ZFP37: variants seen among roughly 807,000 people sequenced by gnomAD.
ZFP37 encodes the protein ZFP37 zinc finger protein, also known as zinc finger protein 37 homolog.
A neutral mutation model predicts 52.1 loss-of-function variants in ZFP37; 38 were observed. That is an observed-to-expected ratio of 0.73 (90% CI 0.56 to 0.96). The LOEUF is 0.96. Among genes scored for constraint, ZFP37 ranks in the 40% least tolerant of loss-of-function variants. ZFP37 has a pLI of 0.00. For missense variants in ZFP37, 695 were observed against 741.4 expected (o/e 0.94, Z 0.73); for synonymous variants, 253 against 259.5 (o/e 0.98, Z 0.24).
chr9:113,056,559 C>G lies in ZFP37; in HGVS notation c.130G>C (p.Ala44Pro), dbSNP rs1480804571. 3 of 1,613,508 alleles carry G rather than the reference C, an allele frequency of 1.9e-6. No homozygotes were observed. The highest frequency in any genetic ancestry group is 2.5e-6 in the Non-Finnish European group (3 of 1,179,932). ...CCCTGTCTCATCACAGCTCTCACCG[C>G]GGCGCTGGCCTCGGGCTCGGACACA... Reference protein sequence around the residue: ...MAVSEPEASAAEWKQLDPAQS... With the variant: ...MAVSEPEASAPEWKQLDPAQS... The change falls in exon 1 of 4, where the codon GCG becomes CCG. Residue 44 changes from alanine (A) to proline (P), a missense_variant and splice_region_variant. Ala to Pro is a conservative substitution (Grantham distance 27). This residue lies in a region of ZFP37 where 369 missense variants were observed against 340.9 expected (regional missense o/e 1.08). Transcript: ENST00000374227.
At position 113,038,995 on chromosome 9, in the gene ZFP37, A is replaced by T. The variant is rs1828805203; in HGVS notation, c.*3730T>A. The stretch of plus-strand genomic sequence containing the variant: ...CATTCCTGAGAGTAAAAGTAATAAT[A>T]AAGAATTATTTGTATCTTCTTAAAT... On this transcript the variant is annotated 3_prime_UTR_variant, in exon 4 of 4. Transcript: ENST00000374227. The T allele has an allele frequency of 6.6e-6, 1 of 152,182 alleles. No individual in the cohort carries two copies. The highest frequency in any genetic ancestry group is 1.5e-5 in the Non-Finnish European group (1 of 68,032). The allele number at this position is 152,182 out of a possible 1,614,324, so 9.4% of individuals were successfully genotyped here. A position where few individuals can be genotyped will look rare whatever the true frequency, so the allele number is the denominator to read the frequency against.
At position 113,042,209 on chromosome 9, in the gene ZFP37, T is replaced by C. The variant is rs1300122129; in HGVS notation, c.*516A>G. ...CTCTCATTTTCCTGTTAACATTTTT[T>C]ACATATATAACAACCCTTTTAAAAA... On this transcript the variant is annotated 3_prime_UTR_variant, in exon 4 of 4. Coordinates refer to ENST00000374227, the MANE Select transcript of ZFP37 (RefSeq NM_003408.3). 6.6e-6 allele frequency: 1 copy of C among 152,276 alleles called. No individual in the cohort carries two copies. The highest frequency in any genetic ancestry group is 2.4e-5 in the African/African-American group (1 of 41,460). 9.4% of individuals were successfully genotyped at this position (152,276 alleles called of 1,614,324 possible). A position where few individuals can be genotyped will look rare whatever the true frequency, so the allele number is the denominator to read the frequency against.
rs1278508509 is a variant in ZFP37, at chr9:113,041,763, C to T, written c.*962G>A. 1.3e-5 allele frequency: 2 copies of T among 152,144 alleles called. No homozygotes were observed. The highest frequency in any genetic ancestry group is 4.8e-5 in the African/African-American group (2 of 41,434). The allele number at this position is 152,144 out of a possible 1,614,324, so 9.4% of individuals were successfully genotyped here. A position where few individuals can be genotyped will look rare whatever the true frequency, so the allele number is the denominator to read the frequency against. On this transcript the variant is annotated 3_prime_UTR_variant, in exon 4 of 4. Coordinates refer to ENST00000374227, the MANE Select transcript of ZFP37 (RefSeq NM_003408.3). ...AACTCTGTCAAAATCTGAGATCTCACATGTTGATCTCACATGTTGTGGAGG... is the reference window on the plus strand; with the variant it reads ...AACTCTGTCAAAATCTGAGATCTCATATGTTGATCTCACATGTTGTGGAGG...
Position 113,040,388 on chromosome 9 carries a change from A to T in ZFP37, c.*2337T>A, listed in dbSNP as rs1828827131. 1 of 152,230 alleles carries T rather than the reference A, an allele frequency of 6.6e-6. No homozygotes were observed. The highest frequency in any genetic ancestry group is 2.4e-5 in the African/African-American group (1 of 41,454). The allele number at this position is 152,230 out of a possible 1,614,324, so 9.4% of individuals were successfully genotyped here. The stretch of plus-strand genomic sequence containing the variant: ...CATAGTGCTATATTTCCACTTGTTA[A>T]GAAATTACTGGTAGAAATGGCTTTC... On this transcript the variant is annotated 3_prime_UTR_variant, in exon 4 of 4. Coordinates refer to ENST00000374227, the MANE Select transcript of ZFP37 (RefSeq NM_003408.3).
At chr9:113,044,601 G>T (rs1828919751) in intron 3 of ZFP37, among the ~76,000 whole-genome samples, 1 of 151,962 alleles carries the variant, frequency 6.6e-6, no homozygotes, top group African/African-American at 2.4e-5. Context: ...ACTTTTTGAG[G>T]TTTCTTATAA....
At chr9:113,056,219 G>A (rs1291786519) in intron 1 of ZFP37, among the ~76,000 whole-genome samples, 1 of 151,944 alleles carries the variant, frequency 6.6e-6, no homozygotes, top group Non-Finnish European at 1.5e-5. Flanking sequence ...CATAATCGCT[G>A]GCTCCCATAG....
Position 113,052,405 on chromosome 9 carries a change from C to T in ZFP37, c.133-2533G>A, listed in dbSNP as rs1442841947. Among the ~76,000 whole-genome samples the T allele has an allele frequency of 3.9e-5, 6 of 152,246 alleles. No homozygotes were observed. The East Asian group carries it at 9.7e-4, about 24-fold the overall frequency. ...TATCACCAGGTTTTCAGCCATTAAC[C>T]CTTCTGGGTCCGGTGATTTGCTAGG... On this transcript the variant is annotated intron_variant, in intron 1 of 3. Transcript: ENST00000374227. This position sits in a 1 kb window ranked among gnomAD's most constrained non-coding sequence, Gnocchi z 4.1.
Position 113,043,754 on chromosome 9 carries a change from A to G in ZFP37, c.864T>C (p.Ala288=). ...SSSTKHEKPQ[A]CVKPYECNQC... The stretch of plus-strand genomic sequence containing the variant: ...GATTACATTCATAGGGTTTCACACA[A>G]GCTTGAGGTTTTTCATGCTTAGTAG... Residue 288 remains alanine, a synonymous_variant, in exon 4 of 4, where the codon GCT becomes GCC. Coordinates refer to ENST00000374227, the MANE Select transcript of ZFP37 (RefSeq NM_003408.3). 6.2e-7 allele frequency: 1 copy of G among 1,614,022 alleles called. No homozygotes were observed. The highest frequency in any genetic ancestry group is 8.5e-7 in the Non-Finnish European group (1 of 1,179,968).
intron 1 of ZFP37, among the ~76,000 whole-genome samples, chr9:113,053,270 C>T (rs950046807): frequency 2.0e-5 from 3 of 152,192 alleles, no homozygotes; most frequent in Non-Finnish European, 4.4e-5. Context: ...CTTTACCTAG[C>T]CTTTCTTTCT....
Position 113,038,847 on chromosome 9 carries a change from T to C in ZFP37, c.*3878A>G, listed in dbSNP as rs1188030382. ...AGCCACCTGAAACTAGGTGTGGTCATGTGACTCATTTCTGGTCAAAAGATA... is the reference window on the plus strand; with the variant it reads ...AGCCACCTGAAACTAGGTGTGGTCACGTGACTCATTTCTGGTCAAAAGATA... On this transcript the variant is annotated 3_prime_UTR_variant, in exon 4 of 4. Transcript: ENST00000374227. 1 of 152,158 alleles carries C rather than the reference T, an allele frequency of 6.6e-6. No homozygotes were observed. Among genetic ancestry groups the C allele is most frequent in the African/African-American group, 2.4e-5 (1 of 41,442 alleles). The allele number at this position is 152,158 out of a possible 1,614,324, so 9.4% of individuals were successfully genotyped here.
chr9:113,049,424 T>C lies in ZFP37; in HGVS notation c.287A>G (p.Lys96Arg). 1.9e-6 allele frequency: 3 copies of C among 1,614,164 alleles called. No individual in the cohort carries two copies. The highest frequency in any genetic ancestry group is 1.7e-6 in the Non-Finnish European group (2 of 1,180,004). The change falls in exon 3 of 4, where the codon AAA becomes AGA. Residue 96 changes from lysine to arginine, a missense_variant. By Grantham distance (26) the Lys-to-Arg change is conservative (BLOSUM62 2). This residue lies in a region of ZFP37 where 369 missense variants were observed against 340.9 expected (regional missense o/e 1.08). Transcript: ENST00000374227. ...KGEAPWLGKG[K>R]RPSQGCPSKI... ...ACTTGGACAACCTTGACTGGGTCTT[T>C]TCCCCTTCCCCAACCATGGTGCTTC... is the stretch of plus-strand genomic sequence containing the variant.
intron 3 of ZFP37, among the ~76,000 whole-genome samples, chr9:113,047,523 G>C (rs1350055467): frequency 6.6e-6 from 1 of 152,068 alleles, no homozygotes; most frequent in Non-Finnish European, 1.5e-5. Flanking sequence ...GCTGAGGAGG[G>C]AGAACTGCTT....
In ZFP37 at chr9:113,055,295, A is replaced by G. The variant is rs554488666; in HGVS notation, c.132+1262T>C. The stretch of plus-strand genomic sequence containing the variant: ...AAAGCTTTCCATGACTAACCTGGCT[A>G]AAGTCATGCACTCCCTACCCTCAAT... On this transcript the variant is annotated intron_variant, in intron 1 of 3. Coordinates refer to ENST00000374227, the MANE Select transcript of ZFP37 (RefSeq NM_003408.3). Among the ~76,000 whole-genome samples, 7 of 152,292 alleles carry G rather than the reference A, an allele frequency of 4.6e-5. No individual in the cohort carries two copies. The East Asian group carries it at 1.3e-3, about 29-fold the overall frequency.
intron 3 of ZFP37, 104 bp downstream of exon 3, chr9:113,049,258 A>AT (rs1156556024): frequency 1.0e-5 from 13 of 1,292,058 alleles, no homozygotes; most frequent in Admixed American, 5.0e-5. Flanking sequence ...GGAAATCCTG[A>AT]TTTTTTCTAT....
In ZFP37 at chr9:113,039,168, T is replaced by C. The variant is rs1395270744; in HGVS notation, c.*3557A>G. 2 of 152,156 alleles carry C rather than the reference T, an allele frequency of 1.3e-5. No homozygotes were observed. Among genetic ancestry groups the C allele is most frequent in the East Asian group, 3.9e-4 (2 of 5,188 alleles). The allele number at this position is 152,156 out of a possible 1,614,324, so 9.4% of individuals were successfully genotyped here. ...TACGCCTTGATTGTACAACATAGAA[T>C]AGATTCCTCGATGGACTGCCGACCA... On this transcript the variant is annotated 3_prime_UTR_variant, in exon 4 of 4. Transcript: ENST00000374227.
chr9:113,049,781 T>C lies in ZFP37; in HGVS notation c.214+10A>G, dbSNP rs1360390677. The C allele has an allele frequency of 1.2e-6, 2 of 1,612,328 alleles. No individual in the cohort carries two copies. The highest frequency in any genetic ancestry group is 1.7e-6 in the Non-Finnish European group (2 of 1,179,304). On this transcript the variant is annotated intron_variant, in intron 2 of 3. Transcript: ENST00000374227. ...GGACACATTTTGAATTACAAAGGAA[T>C]TGTTCTTACCCATTGAGGCTTGGTT...
intron 1 of ZFP37, among the ~76,000 whole-genome samples, chr9:113,051,971 C>T (rs1414360451): frequency 6.6e-6 from 1 of 152,110 alleles, no homozygotes; most frequent in African/African-American, 2.4e-5. Flanking sequence ...CAGCCACTTG[C>T]CCCCACAGAC....
At position 113,043,642 on chromosome 9, in the gene ZFP37, A is replaced by G; in HGVS notation, c.976T>C (p.Cys326Arg). Residue 326 changes from cysteine to arginine, a missense_variant, in exon 4 of 4, where the codon TGT (cysteine) becomes CGT (arginine). Physicochemically the swap from Cys to Arg is radical, Grantham distance 180. Coordinates refer to ENST00000374227, the MANE Select transcript of ZFP37 (RefSeq NM_003408.3). ...GACTTTTGGCTAAAGGCTATCCCAC[A>G]TTCATTACATTCATATGGTTTCTCC... ...TGEKPYECNE[C>R]GIAFSQKSHL... 3 of 1,614,102 alleles carry G rather than the reference A, an allele frequency of 1.9e-6. No individual in the cohort carries two copies. The highest frequency in any genetic ancestry group is 2.2e-5 in the East Asian group (1 of 44,878).
chr9:113,043,840 T>C lies in ZFP37; in HGVS notation c.778A>G (p.Ile260Val), dbSNP rs762075938. 1 of 1,614,102 alleles carries C rather than the reference T, an allele frequency of 6.2e-7. No homozygotes were observed. The highest frequency in any genetic ancestry group is 8.5e-7 in the Non-Finnish European group (1 of 1,179,964). Reference sequence around the variant, plus strand: ...CCAGTTTGAATTTTGTCCTGTTTAATATGGGATGAACTATGACAGCATAAT... The same window carrying C: ...CCAGTTTGAATTTTGTCCTGTTTAACATGGGATGAACTATGACAGCATAAT... ...DKLCCHSSSH[I>V]KQDKIQTGEK... Residue 260 changes from isoleucine to valine, a missense_variant, in exon 4 of 4, where the codon ATT becomes GTT. Coordinates refer to ENST00000374227, the MANE Select transcript of ZFP37 (RefSeq NM_003408.3).
Sources: allele counts gnomAD v4.1 joint callset (sites outside exome capture counted in the v4.1 genomes callset), GRCh38; gene constraint gnomAD v4.1.1; regional missense constraint gnomAD v4.1.1; non-coding constraint Gnocchi (gnomAD v3.1); transcripts MANE v1.5; gene names NCBI Gene and HGNC (gene_info 2026-07-23, HGNC 2026-07-21).